The following DTX3L variants were observed in gnomAD, a reference collection of about 807,000 sequenced individuals.
DTX3L encodes the protein deltex E3 ubiquitin ligase 3L.
Under a neutral mutation model 60.9 loss-of-function variants are expected in DTX3L, and 34 were observed. The ratio of observed to expected loss-of-function variants is 0.56; its 90% CI spans 0.42 to 0.74. The LOEUF (loss-of-function observed/expected upper bound fraction) is 0.74. Among genes scored for constraint, DTX3L ranks in the 30% least tolerant of loss-of-function variants. The pLI, the probability that DTX3L is intolerant of heterozygous loss-of-function variation, is 0.00. For missense variants in DTX3L, 810 were observed against 874.0 expected (o/e 0.93, Z 0.92); for synonymous variants, 290 against 316.6 (o/e 0.92, Z 0.89).
intron 2 of DTX3L, among the ~76,000 whole-genome samples, chr3:122,567,697 T>C (rs1055576957): frequency 2.6e-5 from 4 of 152,168 alleles, no homozygotes; most frequent in African/African-American, 9.7e-5. Context: ...GAAAAGCCAT[T>C]GCCCTCAGTT....
Position 122,572,267 on chromosome 3 carries a change from G to A in DTX3L, c.*520G>A. 1 of 152,758 alleles carries A rather than the reference G, an allele frequency of 6.5e-6. No individual in the cohort carries two copies. The highest frequency in any genetic ancestry group is 1.5e-5 in the Non-Finnish European group (1 of 68,402). 9.5% of individuals were successfully genotyped at this position (152,758 alleles called of 1,614,324 possible). ...AGCCCCCCAAATCTGTGTAAAATCTGCTGCAAAGGTGTCATCCCTCTTGTG... is the reference window on the plus strand; with the variant it reads ...AGCCCCCCAAATCTGTGTAAAATCTACTGCAAAGGTGTCATCCCTCTTGTG... On this transcript the variant is annotated 3_prime_UTR_variant, in exon 5 of 5. Coordinates refer to ENST00000296161, the MANE Select transcript of DTX3L (RefSeq NM_138287.3).
In DTX3L at chr3:122,568,952, A is replaced by G. The variant is rs769964084; in HGVS notation, c.863A>G (p.Glu288Gly). The change falls in exon 3 of 5, where the codon GAA becomes GGA. Residue 288 changes from glutamate (E) to glycine (G), a missense_variant. Coordinates refer to ENST00000296161, the MANE Select transcript of DTX3L (RefSeq NM_138287.3). ...DFTSSRSGDL[E>G]AARESFASEF... ...ACCTCAAGTCGATCAGGTGACCTGG[A>G]AGCAGCTCGTGAGTCTTTTGCTAGT... is the stretch of plus-strand genomic sequence containing the variant. The G allele has an allele frequency of 5.0e-6, 8 of 1,614,032 alleles. No homozygotes were observed. Among genetic ancestry groups the G allele is most frequent in the Middle Eastern group, 1.6e-4 (1 of 6,084 alleles).
chr3:122,567,586 A>G (rs1340696124), intron 2 of DTX3L, among the ~76,000 whole-genome samples: 1 of 152,186 alleles, frequency 6.6e-6, no homozygotes, highest in Non-Finnish European at 1.5e-5. Flanking sequence ...GAGCTTCTAA[A>G]GGCCAGGGTT....
rs762302300 is a variant in DTX3L at position 122,570,661 on chromosome 3, A to G, written c.2142A>G (p.Gly714=). ...NDIHHKTSRF[G]GPEMYGYPDP... is the part of the protein sequence containing the mutation. ...TTCACCACAAAACATCCCGGTTTGG[A>G]GGACCAGAAATGTGAGATCCTTTTG... The change falls in exon 4 of 5, where the codon GGA becomes GGG. Residue 714 remains glycine, a synonymous_variant. Transcript: ENST00000296161. 6.2e-7 allele frequency: 1 copy of G among 1,614,198 alleles called. No individual in the cohort carries two copies. The highest frequency in any genetic ancestry group is 1.1e-5 in the South Asian group (1 of 91,090).
At position 122,571,948 on chromosome 3, in the gene DTX3L, G is replaced by A. The variant is rs116553716; in HGVS notation, c.*201G>A. ...TTTTTGAGACGGAGTCTGCTCTGTC[G>A]CTCGCGCTGGAGTGCAGTGGCATGA... On this transcript the variant is annotated 3_prime_UTR_variant, in exon 5 of 5. Coordinates refer to ENST00000296161, the MANE Select transcript of DTX3L (RefSeq NM_138287.3). 160 of 412,252 alleles carry A rather than the reference G, an allele frequency of 3.9e-4. No individual in the cohort carries two copies. The highest frequency in any genetic ancestry group is 1.6e-3 in the Middle Eastern group (2 of 1,288). The allele number at this position is 412,252 out of a possible 1,614,324, so 25.5% of individuals were successfully genotyped here. A position where few individuals can be genotyped will look rare whatever the true frequency, so the allele number is the denominator to read the frequency against.
chr3:122,573,180 T>G lies in DTX3L; in HGVS notation c.*1433T>G, dbSNP rs1386630543. The G allele has an allele frequency of 4.0e-5, 6 of 151,848 alleles. No homozygotes were observed. The East Asian group carries it at 1.2e-3, about 29-fold the overall frequency. The allele number at this position is 151,848 out of a possible 1,614,324, so 9.4% of individuals were successfully genotyped here. The stretch of plus-strand genomic sequence containing the variant: ...CAGTTCTTCAGGAACTAAGAGTGAG[T>G]CACTCCCATGAGAACAGCACCAAGC... On this transcript the variant is annotated 3_prime_UTR_variant, in exon 5 of 5. Transcript: ENST00000296161.
rs1478690015 is a variant in DTX3L at position 122,570,474 on chromosome 3, G to T, written c.1955G>T (p.Gly652Val). The T allele has an allele frequency of 6.2e-7, 1 of 1,614,084 alleles. No homozygotes were observed. Among genetic ancestry groups the T allele is most frequent in the East Asian group, 2.2e-5 (1 of 44,878 alleles). Residue 652 changes from glycine to valine, a missense_variant, in exon 4 of 5, where the codon GGA (glycine) becomes GTA (valine). By Grantham distance (109) the Gly-to-Val change is moderately radical. Coordinates refer to ENST00000296161, the MANE Select transcript of DTX3L (RefSeq NM_138287.3). ...ACACAGGAAGAACACCCAAACCCAG[G>T]AAAGAGATACCCTGGAATACAGCGA... is the stretch of plus-strand genomic sequence containing the variant. ...GIQTEEHPNP[G>V]KRYPGIQRTA...
rs764779596 is a variant in DTX3L, at chr3:122,571,782, C to CA, written c.*42dup. Reference sequence around the variant, plus strand: ...TGGAAGATGTCTTAAATCAAGCTTTCAAAAAAATATATTTTAGGAGGCTGA... The same window carrying CA: ...TGGAAGATGTCTTAAATCAAGCTTTCAAAAAAAATATATTTTAGGAGGCTGA... On this transcript the variant is annotated 3_prime_UTR_variant, in exon 5 of 5. Coordinates refer to ENST00000296161, the MANE Select transcript of DTX3L (RefSeq NM_138287.3). The CA allele has an allele frequency of 4.8e-5, 75 of 1,561,216 alleles. 1 individual carries two copies. The South Asian group carries it at 8.0e-4, about 17-fold the overall frequency.
In DTX3L at chr3:122,573,872, G is replaced by GTGTC. The variant is rs2080664647; in HGVS notation, c.*2126_*2129dup. On this transcript the variant is annotated 3_prime_UTR_variant, in exon 5 of 5. Transcript: ENST00000296161. ...TGTTGTTTTGAGACAGGGTCTCACT[G>GTGTC]TGTCCCCCAGGCTGGAGTGCAGTGG... The GTGTC allele has an allele frequency of 2.0e-5, 3 of 152,150 alleles. No homozygotes were observed. Among genetic ancestry groups the GTGTC allele is most frequent in the African/African-American group, 7.3e-5 (3 of 41,372 alleles). 9.4% of individuals were successfully genotyped at this position (152,150 alleles called of 1,614,324 possible). A position where few individuals can be genotyped will look rare whatever the true frequency, so the allele number is the denominator to read the frequency against.
rs539768441 is a variant in DTX3L, at chr3:122,569,890, A to G, written c.1801A>G (p.Thr601Ala). The change falls in exon 3 of 5, where the codon ACT becomes GCT. Residue 601 changes from threonine to alanine, a missense_variant. By Grantham distance (58) the Thr-to-Ala change is moderately conservative (BLOSUM62 0). Coordinates refer to ENST00000296161, the MANE Select transcript of DTX3L (RefSeq NM_138287.3). ...SYKPICPTCQ[T>A]SYGIQKGNQP... is the part of the protein sequence containing the mutation. ...TAAGCCAATCTGTCCCACATGCCAG[A>G]CTTCCTATGGTATTCAGAAAGGAAA... The G allele has an allele frequency of 1.6e-5, 26 of 1,614,182 alleles. No individual in the cohort carries two copies. In the South Asian group the frequency reaches 2.6e-4, roughly 16 times the overall value.
In DTX3L at chr3:122,569,263, T is replaced by G; in HGVS notation, c.1174T>G (p.Leu392Val). The G allele has an allele frequency of 6.2e-7, 1 of 1,614,078 alleles. No individual in the cohort carries two copies. Among genetic ancestry groups the G allele is most frequent in the Non-Finnish European group, 8.5e-7 (1 of 1,180,008 alleles). The change falls in exon 3 of 5, where the codon TTA becomes GTA. Residue 392 changes from leucine to valine, a missense_variant. Leu to Val is a conservative substitution (Grantham distance 32). Coordinates refer to ENST00000296161, the MANE Select transcript of DTX3L (RefSeq NM_138287.3). The stretch of plus-strand genomic sequence containing the variant: ...CCACTATAAACTTTTAGAAACTGAA[T>G]TACTACAGGAGATATCAGAGATCGA... ...SAHYKLLETELLQEISEIEKR... is the reference protein window; with the variant it reads ...SAHYKLLETEVLQEISEIEKR...
In DTX3L at chr3:122,569,083, C is replaced by T. The variant is rs773447546; in HGVS notation, c.994C>T (p.Leu332Phe). The change falls in exon 3 of 5, where the codon CTC becomes TTC. Residue 332 changes from leucine (L) to phenylalanine (F), a missense_variant. Transcript: ENST00000296161. ...KQELNHQFTK[L>F]LIKEKGGELT... ...GGAATTGAATCACCAGTTTACAAAG[C>T]TCCTTATAAAGGAGAAAGGAGGCGA... 1 of 1,614,072 alleles carries T rather than the reference C, an allele frequency of 6.2e-7. No homozygotes were observed. Among genetic ancestry groups the T allele is most frequent in the Non-Finnish European group, 8.5e-7 (1 of 1,180,022 alleles).
Position 122,569,935 on chromosome 3 carries a change from G to A in DTX3L, c.1846G>A (p.Val616Ile), listed in dbSNP as rs1288775855. Residue 616 changes from valine (V) to isoleucine (I), a missense_variant, in exon 3 of 5, where the codon GTT (valine) becomes ATT (isoleucine). Coordinates refer to ENST00000296161, the MANE Select transcript of DTX3L (RefSeq NM_138287.3). ...AGGAAATCAGCCAGAGGGAAGCATG[G>A]TTTTCACTGTTTCAAGAGACTCACT... Reference protein sequence around the residue: ...QKGNQPEGSMVFTVSRDSLPG... With the variant: ...QKGNQPEGSMIFTVSRDSLPG... 7 of 1,613,970 alleles carry A rather than the reference G, an allele frequency of 4.3e-6. No individual in the cohort carries two copies. The highest frequency in any genetic ancestry group is 4.2e-6 in the Non-Finnish European group (5 of 1,180,002).
chr3:122,566,284 A>G (rs186213184), intron 2 of DTX3L, among the ~76,000 whole-genome samples: 36 of 152,372 alleles, frequency 2.4e-4, no homozygotes, highest in African/African-American at 8.4e-4. Flanking sequence ...ACAGTAGGCA[A>G]GTAAACAAAA....
Position 122,571,751 on chromosome 3 carries a change from A to G in DTX3L, c.*4A>G, listed in dbSNP as rs990608448. On this transcript the variant is annotated 3_prime_UTR_variant, in exon 5 of 5. Coordinates refer to ENST00000296161, the MANE Select transcript of DTX3L (RefSeq NM_138287.3). ...GAAAGCCAAAGGAATTGAGTAAGAC[A>G]ACTGCTGGAAGATGTCTTAAATCAA... 9 of 1,609,626 alleles carry G rather than the reference A, an allele frequency of 5.6e-6. No individual in the cohort carries two copies. The highest frequency in any genetic ancestry group is 5.1e-5 in the Admixed American group (3 of 59,316).
chr3:122,566,511 C>T (rs1012336405), intron 2 of DTX3L, among the ~76,000 whole-genome samples: 2 of 150,632 alleles, frequency 1.3e-5, no homozygotes, highest in Admixed American at 6.6e-5. Flanking sequence ...GGACTATAGG[C>T]GCCACTACAC....
chr3:122,570,194 A>G (rs1405636150), intron 3 of DTX3L, 170 bp downstream of exon 3: 9 of 794,458 alleles, frequency 1.1e-5, no homozygotes, highest in South Asian at 3.5e-5. Flanking sequence ...TGGTAATTCA[A>G]ATACCTTTTG....
In DTX3L at chr3:122,570,608, G is replaced by A; in HGVS notation, c.2089G>A (p.Val697Ile). ...AGTGGGGTACTCTCGCGTATTAGGA[G>A]TCTCAGATGTCATCACTTGGAATGA... The part of the protein sequence containing the change: ...FTVGYSRVLG[V>I]SDVITWNDIH... The change falls in exon 4 of 5, where the codon GTC (valine) becomes ATC (isoleucine). Residue 697 changes from valine to isoleucine, a missense_variant. Val to Ile is a conservative substitution (Grantham distance 29). Coordinates refer to ENST00000296161, the MANE Select transcript of DTX3L (RefSeq NM_138287.3). 5 of 1,614,174 alleles carry A rather than the reference G, an allele frequency of 3.1e-6. No individual in the cohort carries two copies. The highest frequency in any genetic ancestry group is 2.2e-5 in the East Asian group (1 of 44,876).
rs767285334 is a variant in DTX3L, at chr3:122,569,356, A to G, written c.1267A>G (p.Lys423Glu). Reference protein sequence around the residue: ...GQKTCILFESKDRQVDLSVHA... With the variant: ...GQKTCILFESEDRQVDLSVHA... Reference sequence around the variant, plus strand: ...GAAAACCTGCATTCTGTTTGAATCCAAGGACAGGCAGGTAGATCTATCTGT... The same window carrying G: ...GAAAACCTGCATTCTGTTTGAATCCGAGGACAGGCAGGTAGATCTATCTGT... The change falls in exon 3 of 5, where the codon AAG becomes GAG. Residue 423 changes from lysine to glutamate, a missense_variant. Coordinates refer to ENST00000296161, the MANE Select transcript of DTX3L (RefSeq NM_138287.3). 2 of 1,614,208 alleles carry G rather than the reference A, an allele frequency of 1.2e-6. No homozygotes were observed. The highest frequency in any genetic ancestry group is 2.2e-5 in the East Asian group (1 of 44,886).
Sources: gnomAD v4.1 joint callset for allele counts (sites outside exome capture counted in the v4.1 genomes callset) on GRCh38, gnomAD v4.1.1 for gene constraint, MANE v1.5 for transcripts, NCBI Gene and HGNC (gene_info 2026-07-23, HGNC 2026-07-21) for gene names.